Variants in AGO2 observed in about 807,000 individuals in gnomAD.
AGO2 encodes the protein argonaute RISC catalytic component 2.
A neutral mutation model predicts 102.3 loss-of-function variants in AGO2; 5 were observed. That is an observed-to-expected ratio of 0.05 (90% CI 0.03 to 0.10). AGO2 has a LOEUF of 0.10. AGO2 is among the 10% of genes least tolerant of loss of function. The probability of loss-of-function intolerance (pLI) is 1.00; values close to 1 mark genes in which losing one functional copy is unlikely to be tolerated. For synonymous variants in AGO2, 449 were observed against 473.1 expected, an observed-to-expected ratio of 0.95 and a Z score of 0.66; for missense variants, 541 against 1,183.7, an observed-to-expected ratio of 0.46 and a Z score of 7.97.
chr8:140,601,819 A>G (rs770031475), intron 1 of AGO2, among the ~76,000 whole-genome samples: 3 of 152,082 alleles, frequency 2.0e-5, no homozygotes, highest in South Asian at 2.1e-4. Context: ...TCTCCCCCCA[A>G]ATATTTTCTA....
At position 140,524,434 on chromosome 8, in the gene AGO2, A is replaced by C. The variant is rs540660426; in HGVS notation, c.*7610T>G. 1 of 152,244 alleles carries C rather than the reference A, an allele frequency of 6.6e-6. No individual in the cohort carries two copies. The highest frequency in any genetic ancestry group is 1.5e-5 in the Non-Finnish European group (1 of 68,074). 9.4% of individuals were successfully genotyped at this position (152,244 alleles called of 1,614,324 possible). On this transcript the variant is annotated 3_prime_UTR_variant, in exon 19 of 19. Transcript: ENST00000220592. ...CTGGAACCAAGTGTTTTCCGCAATG[A>C]GACCGAGTGCGTCCCCCGCGGCTCC... is the stretch of plus-strand genomic sequence containing the variant.
At chr8:140,620,801 G>A (rs976328342) in intron 1 of AGO2, among the ~76,000 whole-genome samples, 1 of 152,160 alleles carries the variant, frequency 6.6e-6, no homozygotes, top group African/African-American at 2.4e-5. Flanking sequence ...GCTGCACTGA[G>A]CTGAGATTGT....
In AGO2 at chr8:140,587,697, G is replaced by A. The variant is rs145547177; in HGVS notation, c.23-2386C>T. On this transcript the variant is annotated intron_variant, in intron 1 of 18. Transcript: ENST00000220592. ...ACAGGTGAATAATGCACCAAGGTGT[G>A]GACCACATGTACAAGAGGCCACAAG... 3.9e-3 allele frequency among the ~76,000 whole-genome samples: 590 copies of A among 152,320 alleles called. 9 individuals are homozygous for A. The highest frequency in any genetic ancestry group is 0.014 in the African/African-American group (561 of 41,552).
At chr8:140,608,177 T>C (rs971398790) in intron 1 of AGO2, among the ~76,000 whole-genome samples, 4 of 152,172 alleles carry the variant, frequency 2.6e-5, no homozygotes, top group African/African-American at 9.7e-5. Context: ...TTTTCAGACA[T>C]TAGCATGAGA....
intron 3 of AGO2, among the ~76,000 whole-genome samples, chr8:140,564,144 T>G (rs948055586): frequency 3.3e-5 from 5 of 152,130 alleles, no homozygotes; most frequent in Non-Finnish European, 7.3e-5. Flanking sequence ...AAACATCGAA[T>G]AGCAAGAAAA....
intron 1 of AGO2, among the ~76,000 whole-genome samples, chr8:140,588,216 C>G (rs2073687503): frequency 6.6e-6 from 1 of 152,164 alleles, no homozygotes; most frequent in African/African-American, 2.4e-5. Context: ...AGTCTTGTCT[C>G]TGCATTGAAG....
chr8:140,592,508 A>G (rs1358528020), intron 1 of AGO2: 2 of 152,254 alleles, frequency 1.3e-5, no homozygotes, highest in Non-Finnish European at 2.9e-5. Context: ...GAATAAAAGA[A>G]TATCTTCTTG....
intron 1 of AGO2, among the ~76,000 whole-genome samples, chr8:140,619,292 A>G (rs73713199): frequency 0.057 from 8,636 of 152,320 alleles, 792 homozygotes; most frequent in African/African-American, 0.19. Context: ...CCTAACAGGC[A>G]CTGTAAGTAC....
intron 1 of AGO2, among the ~76,000 whole-genome samples, chr8:140,600,245 C>T (rs531911115): frequency 6.6e-6 from 1 of 152,366 alleles, no homozygotes; most frequent in Non-Finnish European, 1.5e-5. Flanking sequence ...AAAAGTGGGA[C>T]ATGTATGAAG....
intron 1 of AGO2, among the ~76,000 whole-genome samples, chr8:140,593,428 G>C (rs1002663423): frequency 1.3e-5 from 2 of 151,582 alleles, no homozygotes; most frequent in East Asian, 1.9e-4. Context: ...CTGACCTCAG[G>C]TGATCCACCC....
At chr8:140,632,456 T>G (rs4961226) in intron 1 of AGO2, among the ~76,000 whole-genome samples, 136,511 of 152,270 alleles carry the variant, frequency 0.9, 61,603 homozygotes, top group African/African-American at 0.98. Context: ...CACAGTGAAG[T>G]TCAGCTCTTC....
intron 16 of AGO2, among the ~76,000 whole-genome samples, chr8:140,538,135 T>G (rs2072730115): frequency 6.6e-6 from 1 of 152,214 alleles, no homozygotes; most frequent in Non-Finnish European, 1.5e-5. Context: ...AATGATTCCT[T>G]TTACTGTGAT....
chr8:140,581,733 G>A (rs144057845), intron 2 of AGO2, among the ~76,000 whole-genome samples: 2 of 152,318 alleles, frequency 1.3e-5, no homozygotes, highest in East Asian at 3.9e-4. Flanking sequence ...GGTGCACATA[G>A]TTTTTGTTCA....
chr8:140,569,098 G>A (rs2073338624), intron 3 of AGO2, among the ~76,000 whole-genome samples: 1 of 152,200 alleles, frequency 6.6e-6, no homozygotes, highest in Non-Finnish European at 1.5e-5. Flanking sequence ...CTCCCTTGCT[G>A]CCAGACACCC....
intron 1 of AGO2, among the ~76,000 whole-genome samples, chr8:140,615,821 A>G (rs1176393595): frequency 6.6e-6 from 1 of 152,232 alleles, no homozygotes; most frequent in Non-Finnish European, 1.5e-5. Context: ...TGGAGCACTC[A>G]TGTGTTTGCT....
intron 1 of AGO2, among the ~76,000 whole-genome samples, chr8:140,604,689 T>C (rs6984192): frequency 0.29 from 44,353 of 151,948 alleles, 6,723 homozygotes; most frequent in Admixed American, 0.38. Context: ...TAGCCGGGCG[T>C]GGTGGCGGGT....
At chr8:140,637,445 G>T (rs1256262633), upstream of AGO2, 1 of 152,240 alleles carries the variant, frequency 6.6e-6, no homozygotes, top group East Asian at 1.9e-4. Flanking sequence ...TCCTTTGAGC[G>T]CTGTGTTGGG....
intron 1 of AGO2, among the ~76,000 whole-genome samples, chr8:140,594,603 C>T (rs2073795093): frequency 6.6e-6 from 1 of 151,590 alleles, no homozygotes; most frequent in African/African-American, 2.4e-5. Context: ...GCCTGGGAAA[C>T]ATGGCAAAAT....
upstream of AGO2, among the ~76,000 whole-genome samples, chr8:140,638,756 T>C (rs2074425098): frequency 6.6e-6 from 1 of 152,162 alleles, no homozygotes. Flanking sequence ...TAAAAACTTT[T>C]GTAGAGACAG....
Sources: gnomAD v4.1 joint callset for allele counts (sites outside exome capture counted in the v4.1 genomes callset) on GRCh38, gnomAD v4.1.1 for gene constraint, MANE v1.5 for transcripts, NCBI Gene and HGNC (gene_info 2026-07-23, HGNC 2026-07-21) for gene names.